Variants in CTDSPL2 observed in about 807,000 individuals in gnomAD.
CTDSPL2 encodes the protein CTD small phosphatase like 2.
Under a neutral mutation model 60.0 loss-of-function variants are expected in CTDSPL2, and 5 were observed. The observed-to-expected ratio is 0.08, with a 90% confidence interval of 0.04 to 0.18. The LOEUF is 0.18. Ranked by LOEUF, CTDSPL2 falls within the 10% of genes least tolerant of loss-of-function variation. The pLI is 1.00. For missense variants in CTDSPL2, 370 were observed against 548.8 expected (o/e 0.67, Z 3.26); for synonymous variants, 186 against 189.3 (o/e 0.98, Z 0.14).
intron 1 of CTDSPL2, among the ~76,000 whole-genome samples, chr15:44,454,616 A>C (rs967622015): frequency 7.2e-5 from 11 of 152,226 alleles, no homozygotes; most frequent in African/African-American, 2.4e-4. Flanking sequence ...AGGTGTAAGC[A>C]AGGGATCCAG....
At chr15:44,473,791 C>G (rs1476956424) in intron 2 of CTDSPL2, among the ~76,000 whole-genome samples, 1 of 152,178 alleles carries the variant, frequency 6.6e-6, no homozygotes, top group African/African-American at 2.4e-5. Flanking sequence ...TCTAACATTC[C>G]ATTTAACAAT....
intron 8 of CTDSPL2, among the ~76,000 whole-genome samples, chr15:44,506,798 G>T (rs182400371): frequency 6.6e-6 from 1 of 151,236 alleles, no homozygotes; most frequent in African/African-American, 2.4e-5. Flanking sequence ...ACAGAGTCTC[G>T]CTCTGTCGCC....
intron 2 of CTDSPL2, among the ~76,000 whole-genome samples, chr15:44,459,699 T>G (rs2080523961): frequency 6.6e-6 from 1 of 152,216 alleles, no homozygotes; most frequent in South Asian, 2.1e-4. Flanking sequence ...CCACGTAGCC[T>G]TCTGCTTTTT....
chr15:44,476,631 A>G (rs1219177958), intron 2 of CTDSPL2, among the ~76,000 whole-genome samples: 2 of 152,112 alleles, frequency 1.3e-5, no homozygotes, highest in African/African-American at 4.8e-5. Flanking sequence ...ATGAGTACTT[A>G]ACATTTTGTT....
chr15:44,492,639 A>G (rs1475823078), intron 5 of CTDSPL2, among the ~76,000 whole-genome samples: 2 of 152,216 alleles, frequency 1.3e-5, no homozygotes, highest in Non-Finnish European at 2.9e-5. Flanking sequence ...CTTCTATATA[A>G]TGCAATCCAG....
Position 44,490,872 on chromosome 15 carries a change from T to C in CTDSPL2, c.564T>C (p.Thr188=). 6.2e-7 allele frequency: 1 copy of C among 1,613,862 alleles called. No homozygotes were observed. The highest frequency in any genetic ancestry group is 8.5e-7 in the Non-Finnish European group (1 of 1,179,826). ...QLDMEQVDEI[T]TSTTTSTNGA... ...ATATGGAACAGGTGGATGAGATCAC[T>C]ACCAGTACTACTACATCAACTAATG... Residue 188 remains threonine (T), a synonymous_variant, in exon 5 of 13, where the codon ACT becomes ACC. Transcript: ENST00000260327.
chr15:44,508,749 T>C (rs2081515735), intron 8 of CTDSPL2, among the ~76,000 whole-genome samples: 1 of 149,804 alleles, frequency 6.7e-6, no homozygotes, highest in Admixed American at 6.7e-5. Flanking sequence ...GGTGAAACCC[T>C]GTGTCTACTA....
chr15:44,463,946 A>G (rs949044573), intron 2 of CTDSPL2, among the ~76,000 whole-genome samples: 1 of 152,210 alleles, frequency 6.6e-6, no homozygotes, highest in African/African-American at 2.4e-5. Flanking sequence ...TAACAATAAC[A>G]ACAATAATTA....
chr15:44,508,840 C>T (rs547034286), intron 8 of CTDSPL2, among the ~76,000 whole-genome samples: 2 of 152,268 alleles, frequency 1.3e-5, no homozygotes, highest in Admixed American at 1.3e-4. Context: ...ATTGCTTGAA[C>T]CCGGGAGGTG....
intron 1 of CTDSPL2, among the ~76,000 whole-genome samples, chr15:44,456,450 T>C (rs544479845): frequency 6.6e-6 from 1 of 152,354 alleles, no homozygotes; most frequent in Admixed American, 6.5e-5. Flanking sequence ...AGATTCAACT[T>C]CTTCCTGGTT....
intron 2 of CTDSPL2, among the ~76,000 whole-genome samples, chr15:44,465,838 T>A (rs1390240681): frequency 6.6e-6 from 1 of 151,734 alleles, no homozygotes; most frequent in East Asian, 1.9e-4. Flanking sequence ...CTCAGCTTCC[T>A]GAGTAACTGG....
At chr15:44,438,522 G>A (rs867939177) in intron 1 of CTDSPL2, among the ~76,000 whole-genome samples, 1 of 151,854 alleles carries the variant, frequency 6.6e-6, no homozygotes, top group South Asian at 2.1e-4. Context: ...AATAATAACT[G>A]TGATGTTTAG....
At chr15:44,519,429 T>C (rs1415296633) in intron 11 of CTDSPL2, 134 bp downstream of exon 11, 2 of 805,638 alleles carry the variant, frequency 2.5e-6, no homozygotes, top group East Asian at 6.0e-5. Context: ...GTCATTTTTT[T>C]AGAATTAGAA....
chr15:44,521,405 T>A lies in CTDSPL2; in HGVS notation c.1334T>A (p.Leu445Gln). 1 of 1,513,186 alleles carries A rather than the reference T, an allele frequency of 6.6e-7. No homozygotes were observed. 93.7% of individuals were successfully genotyped at this position (1,513,186 alleles called of 1,614,324 possible). ...CCATTCCTGGAGAAGCTTGTAGAAC[T>A]GGTAAGTGTAGCTTATCTTTTTCTG... The part of the protein sequence containing the change: ...LIPFLEKLVE[L>Q]NEDVRPHIRD... Residue 445 changes from leucine (L) to glutamine (Q), a missense_variant and splice_region_variant, in exon 12 of 13, where the codon CTG (leucine) becomes CAG (glutamine). Leu to Gln is a moderately radical substitution (Grantham distance 113, BLOSUM62 -2). Coordinates refer to ENST00000260327, the MANE Select transcript of CTDSPL2 (RefSeq NM_016396.3).
chr15:44,433,707 G>C (rs1011896086), intron 1 of CTDSPL2, among the ~76,000 whole-genome samples: 1 of 151,796 alleles, frequency 6.6e-6, no homozygotes, highest in African/African-American at 2.4e-5. Flanking sequence ...GTCTCGCTCT[G>C]TCACCCAGGC....
intron 5 of CTDSPL2, among the ~76,000 whole-genome samples, chr15:44,491,508 C>G (rs1021761810): frequency 6.6e-6 from 1 of 152,124 alleles, no homozygotes; most frequent in African/African-American, 2.4e-5. Flanking sequence ...GCCATTTGTC[C>G]TTGAAATGTG....
At chr15:44,427,964 G>A (rs1241672729) in intron 1 of CTDSPL2, 192 bp downstream of exon 1, 1 of 331,810 alleles carries the variant, frequency 3.0e-6, no homozygotes, top group Non-Finnish European at 5.4e-6. Flanking sequence ...TTTCCCCTGG[G>A]AACAGAAAGG....
chr15:44,489,900 G>A (rs900275889), intron 4 of CTDSPL2, among the ~76,000 whole-genome samples: 6 of 152,130 alleles, frequency 3.9e-5, no homozygotes, highest in Admixed American at 3.9e-4. Flanking sequence ...TTGGATAGTA[G>A]CAATGGAGAT....
intron 2 of CTDSPL2, among the ~76,000 whole-genome samples, chr15:44,465,438 T>C (rs2080666072): frequency 6.6e-6 from 1 of 152,088 alleles, no homozygotes; most frequent in African/African-American, 2.4e-5. Flanking sequence ...AAATACCTGT[T>C]TTTAGACCTT....
Sources: gnomAD v4.1 joint callset for allele counts (sites outside exome capture counted in the v4.1 genomes callset) on GRCh38, gnomAD v4.1.1 for gene constraint, MANE v1.5 for transcripts, NCBI Gene and HGNC (gene_info 2026-07-23, HGNC 2026-07-21) for gene names.